NWD2: variants seen among roughly 807,000 people sequenced by gnomAD.
NWD2 encodes NACHT and WD repeat domain-containing protein 2.
Under a neutral mutation model 132.7 loss-of-function variants are expected in NWD2, and 37 were observed. That is an observed-to-expected ratio of 0.28 (90% CI 0.21 to 0.37). The LOEUF (loss-of-function observed/expected upper bound fraction) is 0.37, where lower values mean the gene tolerates loss of function less well. Among genes scored for constraint, NWD2 ranks in the 10% least tolerant of loss-of-function variants. The pLI is 1.00. For missense variants in NWD2, 1,592 were observed against 2,122.4 expected (o/e 0.75, Z 4.91); for synonymous variants, 705 against 803.0 (o/e 0.88, Z 2.06).
Position 37,325,927 on chromosome 4 carries a change from C to T in NWD2, c.152-9C>T. The T allele has an allele frequency of 2.6e-6, 4 of 1,522,530 alleles. 1 individual carries two copies. The Middle Eastern group carries it at 6.7e-4, about 256-fold the overall frequency. 94.3% of individuals were successfully genotyped at this position (1,522,530 alleles called of 1,614,324 possible). A position where few individuals can be genotyped will look rare whatever the true frequency, so the allele number is the denominator to read the frequency against. On this transcript the variant is annotated splice_polypyrimidine_tract_variant and intron_variant, in intron 1 of 6. Coordinates refer to ENST00000309447, the MANE Select transcript of NWD2 (RefSeq NM_001144990.2). ...ACTCACTTCCTGTGTGTTTGTCTTT[C>T]TACTACAGATACGGGAGCAGAAAGA...
chr4:37,253,348 C>T (rs1337267917), intron 1 of NWD2, among the ~76,000 whole-genome samples: 1 of 152,166 alleles, frequency 6.6e-6, no homozygotes, highest in Admixed American at 6.5e-5. Flanking sequence ...AGATATTCTT[C>T]TAGCCACTCA....
At chr4:37,256,767 T>G (rs1425075686) in intron 1 of NWD2, among the ~76,000 whole-genome samples, 1 of 152,158 alleles carries the variant, frequency 6.6e-6, no homozygotes, top group Non-Finnish European at 1.5e-5. Context: ...TCCAAAGCTC[T>G]CTCTCTCCTC....
At chr4:37,314,696 T>C (rs535827064) in intron 1 of NWD2, among the ~76,000 whole-genome samples, 12 of 152,288 alleles carry the variant, frequency 7.9e-5, no homozygotes, top group African/African-American at 2.4e-4. Context: ...CAGTTGATAA[T>C]TGTACTGATC....
chr4:37,421,859 A>G (rs1711818534), intron 3 of NWD2, among the ~76,000 whole-genome samples: 1 of 152,068 alleles, frequency 6.6e-6, no homozygotes, highest in African/African-American at 2.4e-5. Context: ...TTTTTTTCAC[A>G]GTCTGGGAAC....
At chr4:37,262,965 G>A (rs1330015572) in intron 1 of NWD2, among the ~76,000 whole-genome samples, 4 of 152,118 alleles carry the variant, frequency 2.6e-5, no homozygotes, top group Non-Finnish European at 5.9e-5. Flanking sequence ...GAGAGGAAAT[G>A]AAGGCAACAA....
chr4:37,435,282 A>G (rs887126106), intron 5 of NWD2, among the ~76,000 whole-genome samples: 2 of 152,236 alleles, frequency 1.3e-5, no homozygotes, highest in African/African-American at 4.8e-5. Context: ...GGTGCGGCAA[A>G]GCATTCGTGA....
chr4:37,340,525 C>G (rs1249875817), intron 2 of NWD2, among the ~76,000 whole-genome samples: 1 of 152,132 alleles, frequency 6.6e-6, no homozygotes, highest in Admixed American at 6.5e-5. Flanking sequence ...CAGTTGTAAA[C>G]AACAGTGACC....
At chr4:37,411,110 CA>C (rs1721146257) in intron 3 of NWD2, among the ~76,000 whole-genome samples, 1 of 152,052 alleles carries the variant, frequency 6.6e-6, no homozygotes, top group Non-Finnish European at 1.5e-5. Context: ...CAAACAAATT[CA>C]AAAGCTAGCA....
At chr4:37,362,417 C>G (rs1406427541) in intron 3 of NWD2, among the ~76,000 whole-genome samples, 1 of 152,156 alleles carries the variant, frequency 6.6e-6, no homozygotes, top group Admixed American at 6.6e-5. Context: ...CAACTTCAAA[C>G]TATGCTATAA....
intron 3 of NWD2, among the ~76,000 whole-genome samples, chr4:37,371,062 AT>A (rs763259051): frequency 1.6e-5 from 2 of 123,058 alleles, no homozygotes; most frequent in Non-Finnish European, 1.7e-5. Flanking sequence ...AAGAAGTTCA[AT>A]TTTTTTTTCT....
intron 2 of NWD2, 82 bp from the exon 3 acceptor site, chr4:37,356,283 AG>A: frequency 1.5e-6 from 1 of 677,006 alleles, no homozygotes; most frequent in Non-Finnish European, 2.4e-6. Flanking sequence ...CAAAGAGAAA[AG>A]TTAAAAGTCA....
intron 3 of NWD2, among the ~76,000 whole-genome samples, chr4:37,404,697 G>A (rs988061460): frequency 2.0e-5 from 3 of 152,174 alleles, no homozygotes; most frequent in South Asian, 2.1e-4. Context: ...TAACTGGCTC[G>A]TGGTTCCACA....
intron 2 of NWD2, among the ~76,000 whole-genome samples, chr4:37,335,815 G>A (rs1719395440): frequency 6.7e-6 from 1 of 149,852 alleles, no homozygotes; most frequent in Non-Finnish European, 1.5e-5. Context: ...ACTGGTCCCT[G>A]GTGCCAAAAA....
At chr4:37,312,186 G>A in intron 1 of NWD2, among the ~76,000 whole-genome samples, 1 of 151,574 alleles carries the variant, frequency 6.6e-6, no homozygotes, top group East Asian at 1.9e-4. Context: ...GTAGCTTGAT[G>A]GGGATGGCAT....
chr4:37,296,504 T>C (rs552981433), intron 1 of NWD2, among the ~76,000 whole-genome samples: 2 of 152,234 alleles, frequency 1.3e-5, no homozygotes, highest in Admixed American at 6.5e-5. Context: ...GGAATACCAC[T>C]CAGCCATAGA....
intron 1 of NWD2, among the ~76,000 whole-genome samples, chr4:37,261,844 C>T (rs1236093777): frequency 6.6e-6 from 1 of 152,142 alleles, no homozygotes; most frequent in African/African-American, 2.4e-5. Context: ...CATAAAAGGT[C>T]TGTCTGATGA....
At chr4:37,249,233 C>G (rs1233251875) in intron 1 of NWD2, among the ~76,000 whole-genome samples, 14 of 152,190 alleles carry the variant, frequency 9.2e-5, no homozygotes, top group South Asian at 2.1e-4. Context: ...CAGTCAAGGT[C>G]AGGTTTGGCC....
rs373657918 is a variant in NWD2 at position 37,443,749 on chromosome 4, C to A, written c.1761C>A (p.Arg587=). 1.3e-6 allele frequency: 2 copies of A among 1,551,822 alleles called. No homozygotes were observed. The highest frequency in any genetic ancestry group is 1.7e-6 in the Non-Finnish European group (2 of 1,147,062). ...CSQVLKHQLL[R]VKRKVTSGQQ... ...AGGTCCTCAAACACCAGCTGCTGCGCGTCAAAAGGAAGGTCACATCAGGCC... is the reference window on the plus strand; with the variant it reads ...AGGTCCTCAAACACCAGCTGCTGCGAGTCAAAAGGAAGGTCACATCAGGCC... Residue 587 remains arginine, a synonymous_variant, in exon 7 of 7, where the codon CGC becomes CGA. Transcript: ENST00000309447. The surrounding 1 kb of genome is among the most constrained non-coding windows in gnomAD (Gnocchi z 4.1).
intron 1 of NWD2, among the ~76,000 whole-genome samples, chr4:37,268,392 C>T (rs913136908): frequency 6.6e-5 from 10 of 151,914 alleles, no homozygotes; most frequent in Non-Finnish European, 1.3e-4. Flanking sequence ...AACCTTTAAT[C>T]ATAGATCTTT....
Sources: gnomAD v4.1 joint callset for allele counts (sites outside exome capture counted in the v4.1 genomes callset) on GRCh38, gnomAD v4.1.1 for gene constraint, Gnocchi (gnomAD v3.1) non-coding constraint, MANE v1.5 for transcripts, NCBI Gene and HGNC (gene_info 2026-07-23, HGNC 2026-07-21) for gene names.